Variants in IFNAR2 observed in about 807,000 individuals in gnomAD.
IFNAR2 encodes interferon alpha/beta receptor 2.
A neutral mutation model predicts 49.4 loss-of-function variants in IFNAR2; 30 were observed. The observed-to-expected ratio is 0.61, with a 90% CI of 0.45 to 0.82. The LOEUF (loss-of-function observed/expected upper bound fraction) is 0.82, where lower values mean the gene tolerates loss of function less well. Ranked by LOEUF, IFNAR2 falls within the 40% of genes least tolerant of loss-of-function variation. The probability of loss-of-function intolerance (pLI) is 0.00; values close to 1 mark genes in which losing one functional copy is unlikely to be tolerated. For synonymous variants in IFNAR2, 224 were observed against 234.5 expected (o/e 0.96, Z 0.41); for missense variants, 600 against 622.7 (o/e 0.96, Z 0.39).
rs562716940 is a variant in IFNAR2 at position 33,243,826 on chromosome 21, C to T, written c.97+112C>T. On this transcript the variant is annotated intron_variant, in intron 3 of 8. Coordinates refer to ENST00000342136, the MANE Select transcript of IFNAR2 (RefSeq NM_001289125.3). ...TTGATTTCTGATTGTACATCTGTTG[C>T]CTGTTTTATTGGGATTCTTTCTCTG... 130 of 835,310 alleles carry T rather than the reference C, an allele frequency of 1.6e-4. No homozygotes were observed. In the African/African-American group the frequency reaches 2.0e-3, roughly 13 times the overall value. 51.7% of individuals were successfully genotyped at this position (835,310 alleles called of 1,614,324 possible). A position where few individuals can be genotyped will look rare whatever the true frequency, so the allele number is the denominator to read the frequency against.
intron 1 of IFNAR2, among the ~76,000 whole-genome samples, chr21:33,231,305 C>T (rs1986047414): frequency 6.6e-6 from 1 of 152,220 alleles, no homozygotes; most frequent in South Asian, 2.1e-4. Flanking sequence ...TAGGGCATAG[C>T]TGATAAGGCT....
chr21:33,243,921 A>G (rs1315676182), intron 3 of IFNAR2, among the ~76,000 whole-genome samples: 1 of 152,226 alleles, frequency 6.6e-6, no homozygotes, highest in Non-Finnish European at 1.5e-5. Flanking sequence ...AATGAACACT[A>G]GAGATCATTT....
At position 33,265,571 on chromosome 21, in the gene IFNAR2, G is replaced by A. The variant is rs1453541030; in HGVS notation, c.*2071G>A. ...ATCTTTTGCGATAACCTCTATGGCT[G>A]TGAGTGTGTGTGTGTGTTTGTGTAT... On this transcript the variant is annotated 3_prime_UTR_variant, in exon 9 of 9. Transcript: ENST00000342136. 5.6e-6 allele frequency: 1 copy of A among 179,722 alleles called. No individual in the cohort carries two copies. Among genetic ancestry groups the A allele is most frequent in the Non-Finnish European group, 1.2e-5 (1 of 82,526 alleles). The allele number at this position is 179,722 out of a possible 1,614,324, so 11.1% of individuals were successfully genotyped here.
chr21:33,234,700 G>A, intron 1 of IFNAR2: 1 of 979,754 alleles, frequency 1.0e-6, no homozygotes, highest in Non-Finnish European at 1.2e-6. Context: ...ATAGCAGGTA[G>A]AGCTCTTCTT....
chr21:33,235,652 C>T (rs1376776370), intron 1 of IFNAR2, among the ~76,000 whole-genome samples: 1 of 152,180 alleles, frequency 6.6e-6, no homozygotes, highest in African/African-American at 2.4e-5. Context: ...ATAGGCCGGG[C>T]ATGGTGGCTA....
Position 33,241,839 on chromosome 21 carries a change from G to A in IFNAR2, c.-37-47G>A, listed in dbSNP as rs764189290. 4.7e-5 allele frequency: 74 copies of A among 1,582,622 alleles called. No individual in the cohort carries two copies. The highest frequency in any genetic ancestry group is 5.9e-5 in the Non-Finnish European group (69 of 1,164,840). The stretch of plus-strand genomic sequence containing the variant: ...CTTTGCTCCCATTTTTATATTTGCA[G>A]TTTAATTAGACACTTCAGAATTTTG... On this transcript the variant is annotated intron_variant, in intron 1 of 8. Transcript: ENST00000382264.
intron 6 of IFNAR2, 76 bp from the exon 7 acceptor site, chr21:33,252,586 A>G (rs1987930643): frequency 6.6e-7 from 1 of 1,521,452 alleles, no homozygotes; most frequent in Non-Finnish European, 8.8e-7. Context: ...AGATTTGAAG[A>G]CAAATCCCAA....
chr21:33,236,842 C>G (rs911931548), intron 1 of IFNAR2: 2 of 984,800 alleles, frequency 2.0e-6, no homozygotes, highest in African/African-American at 3.5e-5. Flanking sequence ...GCTGCAGGGC[C>G]TGGGGGTACT....
At chr21:33,236,378 C>A (rs1033892458) in intron 1 of IFNAR2, among the ~76,000 whole-genome samples, 2 of 152,210 alleles carry the variant, frequency 1.3e-5, no homozygotes, top group African/African-American at 4.8e-5. Flanking sequence ...TCTCCCTTTC[C>A]CAAGCACCTA....
In IFNAR2 at chr21:33,241,946, C is replaced by T. The variant is rs1384407817; in HGVS notation, c.24C>T (p.Phe8=). Residue 8 remains phenylalanine, a synonymous_variant, in exon 2 of 9, where the codon TTC becomes TTT. Coordinates refer to ENST00000342136, the MANE Select transcript of IFNAR2 (RefSeq NM_001289125.3). MLLSQNA[F]IFRSLNLVLM... ...AGATGCTTTTGAGCCAGAATGCCTT[C>T]ATCTTCAGATCACTTAATTTGGTTC... is the stretch of plus-strand genomic sequence containing the variant. The T allele has an allele frequency of 6.2e-7, 1 of 1,612,774 alleles. No individual in the cohort carries two copies. Among genetic ancestry groups the T allele is most frequent in the African/African-American group, 1.3e-5 (1 of 75,004 alleles).
intron 1 of IFNAR2, chr21:33,232,983 A>C: frequency 1.0e-6 from 1 of 964,842 alleles, no homozygotes; most frequent in Non-Finnish European, 1.2e-6. Context: ...CTTACTAAAA[A>C]CAAAGAATTA....
chr21:33,236,642 T>G, intron 1 of IFNAR2: 1 of 966,092 alleles, frequency 1.0e-6, no homozygotes, highest in Non-Finnish European at 1.2e-6. Flanking sequence ...GCAGCAGCAG[T>G]TGTTAGGCAT....
At chr21:33,258,082 A>G (rs765751176) in intron 7 of IFNAR2, among the ~76,000 whole-genome samples, 2 of 152,146 alleles carry the variant, frequency 1.3e-5, no homozygotes, top group African/African-American at 4.8e-5. Flanking sequence ...AGCCAGGTGA[A>G]TCACCTGAGG....
At chr21:33,249,924 T>G (rs1011348311) in intron 6 of IFNAR2, among the ~76,000 whole-genome samples, 1 of 151,644 alleles carries the variant, frequency 6.6e-6, no homozygotes, top group African/African-American at 2.4e-5. Context: ...GGAGGTGAGG[T>G]CAGAGGGTAA....
Position 33,265,046 on chromosome 21 carries a change from G to T in IFNAR2, c.*1546G>T, listed in dbSNP as rs2123551390. The T allele has an allele frequency of 6.6e-6, 1 of 152,308 alleles. No individual in the cohort carries two copies. Among genetic ancestry groups the T allele is most frequent in the South Asian group, 2.1e-4 (1 of 4,826 alleles). The allele number at this position is 152,308 out of a possible 1,614,324, so 9.4% of individuals were successfully genotyped here. On this transcript the variant is annotated 3_prime_UTR_variant, in exon 9 of 9. Transcript: ENST00000342136. ...GAATGTCATGTAGCAACCAGTTTAA[G>T]GACTGGGACTCAGGGATCCAACTCC...
intron 7 of IFNAR2, among the ~76,000 whole-genome samples, chr21:33,260,297 C>A (rs1054712274): frequency 2.0e-5 from 3 of 152,200 alleles, no homozygotes; most frequent in East Asian, 3.8e-4. Context: ...GCTCTTAATT[C>A]TGTTTAATTT....
intron 5 of IFNAR2, among the ~76,000 whole-genome samples, chr21:33,247,345 A>G (rs1987518285): frequency 6.8e-6 from 1 of 146,386 alleles, no homozygotes; most frequent in African/African-American, 2.6e-5. Flanking sequence ...TCCACCTTCC[A>G]GGTTCAAGCG....
Position 33,265,055 on chromosome 21 carries a change from C to T in IFNAR2, c.*1555C>T, listed in dbSNP as rs1265953385. ...GTAGCAACCAGTTTAAGGACTGGGA[C>T]TCAGGGATCCAACTCCCACAGTTTC... On this transcript the variant is annotated 3_prime_UTR_variant, in exon 9 of 9. Coordinates refer to ENST00000342136, the MANE Select transcript of IFNAR2 (RefSeq NM_001289125.3). 6.6e-6 allele frequency: 1 copy of T among 152,180 alleles called. No homozygotes were observed. The highest frequency in any genetic ancestry group is 1.5e-5 in the Non-Finnish European group (1 of 68,048). 9.4% of individuals were successfully genotyped at this position (152,180 alleles called of 1,614,324 possible).
Position 33,245,226 on chromosome 21 carries a change from CAA to C in IFNAR2, c.221+154_221+155del, listed in dbSNP as rs370882178. 238 of 603,862 alleles carry C rather than the reference CAA, an allele frequency of 3.9e-4. 1 individual carries two copies. The East Asian group carries it at 5.3e-3, about 14-fold the overall frequency. The allele number at this position is 603,862 out of a possible 1,614,324, so 37.4% of individuals were successfully genotyped here. A position where few individuals can be genotyped will look rare whatever the true frequency, so the allele number is the denominator to read the frequency against. On this transcript the variant is annotated intron_variant, in intron 4 of 8. Transcript: ENST00000342136. ...TTTCTTATTCAGAGCCTTAAAAAGCCAAAGACAAAACACCATCACACATCCAT... is the reference window on the plus strand; with the variant it reads ...TTTCTTATTCAGAGCCTTAAAAAGCCAGACAAAACACCATCACACATCCAT...
Sources: allele counts gnomAD v4.1 joint callset (sites outside exome capture counted in the v4.1 genomes callset), GRCh38; gene constraint gnomAD v4.1.1; transcripts MANE v1.5; gene names NCBI Gene and HGNC (gene_info 2026-07-23, HGNC 2026-07-21).